Variants in PLPP1 observed in about 807,000 individuals in gnomAD.
PLPP1 encodes lipid phosphate phosphohydrolase 1a.
A neutral mutation model predicts 31.2 loss-of-function variants in PLPP1; 24 were observed. The ratio of observed to expected loss-of-function variants is 0.77; its 90% CI spans 0.56 to 1.08. PLPP1 has a LOEUF of 1.08. PLPP1 is among the 50% of genes least tolerant of loss of function. The pLI is 0.00. For missense variants in PLPP1, 319 were observed against 342.7 expected, an observed-to-expected ratio of 0.93 and a Z score of 0.55; for synonymous variants, 146 against 126.3, an observed-to-expected ratio of 1.16 and a Z score of -1.05.
intron 3 of PLPP1, among the ~76,000 whole-genome samples, chr5:55,466,312 G>A (rs1362179098): frequency 3.3e-5 from 5 of 152,154 alleles, no homozygotes; most frequent in African/African-American, 4.8e-5. Context: ...TGAAGATGGG[G>A]ACCAGAGATG....
chr5:55,528,768 C>A lies in PLPP1; in HGVS notation c.58+5804G>T, dbSNP rs189439314. Among the ~76,000 whole-genome samples the A allele has an allele frequency of 1.3e-3, 197 of 152,222 alleles. 2 individuals are homozygous for A. The Middle Eastern group carries it at 0.024, about 18-fold the overall frequency. ...ATACAATATATGTATATATTAGCAG[C>A]AAACTACTGAGATTCTCTTTTATGT... On this transcript the variant is annotated intron_variant, in intron 1 of 5. Coordinates refer to ENST00000307259, the MANE Select transcript of PLPP1 (RefSeq NM_003711.4).
chr5:55,444,308 T>TGACCTCATGTGATCCGTCGCCCTC (rs1751701270), intron 3 of PLPP1, among the ~76,000 whole-genome samples: 1 of 152,202 alleles, frequency 6.6e-6, no homozygotes, highest in South Asian at 2.1e-4. Flanking sequence ...CTGGAACTCC[T>TGACCTCATGTGATCCGTCGCCCTC]GACCTCATGT....
intron 1 of PLPP1, among the ~76,000 whole-genome samples, chr5:55,503,807 A>G (rs1411350209): frequency 5.2e-5 from 5 of 96,950 alleles, no homozygotes; most frequent in African/African-American, 2.0e-4. Flanking sequence ...GAGGAAGGGG[A>G]GGAAGGGGAG....
At chr5:55,505,257 T>C (rs1296848720) in intron 1 of PLPP1, among the ~76,000 whole-genome samples, 1 of 152,200 alleles carries the variant, frequency 6.6e-6, no homozygotes, top group Non-Finnish European at 1.5e-5. Flanking sequence ...TTTAGTATTA[T>C]TTACACTTAT....
At chr5:55,498,616 T>C (rs911771982) in intron 1 of PLPP1, among the ~76,000 whole-genome samples, 8 of 151,866 alleles carry the variant, frequency 5.3e-5, no homozygotes, top group Non-Finnish European at 1.2e-4. Flanking sequence ...AATAATCTTA[T>C]GTAACCATAA....
At chr5:55,534,152 G>A (rs1469763115) in intron 1 of PLPP1, among the ~76,000 whole-genome samples, 4 of 152,134 alleles carry the variant, frequency 2.6e-5, no homozygotes, top group African/African-American at 7.2e-5. Flanking sequence ...TGCTTCTCAC[G>A]ATAAATCAGG....
chr5:55,527,957 G>A (rs1485436843), intron 1 of PLPP1, among the ~76,000 whole-genome samples: 1 of 152,138 alleles, frequency 6.6e-6, no homozygotes, highest in East Asian at 1.9e-4. Context: ...AAAAAGGAAG[G>A]GCTCAGTTGA....
intron 4 of PLPP1, among the ~76,000 whole-genome samples, chr5:55,437,501 ATATT>A (rs1346228094): frequency 6.6e-6 from 1 of 151,764 alleles, no homozygotes; most frequent in Non-Finnish European, 1.5e-5. Context: ...CAAAGCCTAA[ATATT>A]TATTATCTGA....
intron 1 of PLPP1, among the ~76,000 whole-genome samples, chr5:55,478,112 T>C (rs936660447): frequency 7.2e-5 from 11 of 152,208 alleles, no homozygotes; most frequent in Admixed American, 6.5e-4. Context: ...CAAATGTATT[T>C]AGAAATGCTA....
chr5:55,444,303 A>T (rs892274501), intron 3 of PLPP1, among the ~76,000 whole-genome samples: 3 of 152,034 alleles, frequency 2.0e-5, no homozygotes, highest in African/African-American at 7.2e-5. Context: ...CTGGTCTGGA[A>T]CTCCTGACCT....
rs1193850820 is a variant in PLPP1 at position 55,424,923 on chromosome 5, A to G, written c.*283T>C. 1.6e-6 allele frequency: 1 copy of G among 628,532 alleles called. No individual in the cohort carries two copies. Among genetic ancestry groups the G allele is most frequent in the Non-Finnish European group, 2.7e-6 (1 of 363,674 alleles). 38.9% of individuals were successfully genotyped at this position (628,532 alleles called of 1,614,324 possible). ...ACATCATTCATAGAAAGCATATTAC[A>G]TACATGTTTATACATAAGCATTACA... On this transcript the variant is annotated 3_prime_UTR_variant, in exon 6 of 6. Transcript: ENST00000307259.
At chr5:55,504,313 A>G (rs1243673934) in intron 1 of PLPP1, among the ~76,000 whole-genome samples, 3 of 149,580 alleles carry the variant, frequency 2.0e-5, no homozygotes, top group African/African-American at 7.4e-5. Flanking sequence ...TGCAGTGAGC[A>G]GACAGTGTCC....
At chr5:55,451,932 T>G (rs947739565) in intron 3 of PLPP1, among the ~76,000 whole-genome samples, 12 of 152,174 alleles carry the variant, frequency 7.9e-5, no homozygotes, top group Admixed American at 7.9e-4. Flanking sequence ...AAACCAATTC[T>G]TATCGTACAA....
intron 1 of PLPP1, chr5:55,530,657 CATT>C: frequency 1.3e-6 from 2 of 1,598,184 alleles, no homozygotes; most frequent in Middle Eastern, 1.7e-4. Context: ...AAAACTTCCT[CATT>C]ATATTTTCAA....
At chr5:55,470,031 A>G (rs935948981) in intron 2 of PLPP1, among the ~76,000 whole-genome samples, 1 of 152,216 alleles carries the variant, frequency 6.6e-6, no homozygotes, top group African/African-American at 2.4e-5. Flanking sequence ...AGTCCTTAAC[A>G]TGAATGAATT....
At chr5:55,488,366 T>C (rs1036845494) in intron 1 of PLPP1, among the ~76,000 whole-genome samples, 1 of 151,338 alleles carries the variant, frequency 6.6e-6, no homozygotes, top group African/African-American at 2.4e-5. Context: ...TCAAACTAGA[T>C]TGGGTGTGGT....
chr5:55,429,013 C>T (rs1422591674), intron 4 of PLPP1, among the ~76,000 whole-genome samples: 1 of 152,022 alleles, frequency 6.6e-6, no homozygotes, highest in East Asian at 1.9e-4. Flanking sequence ...TCCTTGCATA[C>T]CCACATCTCC....
intron 1 of PLPP1, chr5:55,508,908 CAG>C (rs1222798143): frequency 5.8e-5 from 9 of 154,078 alleles, no homozygotes; most frequent in African/African-American, 2.2e-4. Context: ...TAGAAGATTT[CAG>C]AGTCAGATAA....
At chr5:55,518,954 T>A (rs577450004) in intron 1 of PLPP1, among the ~76,000 whole-genome samples, 1 of 152,200 alleles carries the variant, frequency 6.6e-6, no homozygotes, top group African/African-American at 2.4e-5. Context: ...AAACCAACTG[T>A]TTTTACTACT....
Sources: gnomAD v4.1 joint callset for allele counts (sites outside exome capture counted in the v4.1 genomes callset) on GRCh38, gnomAD v4.1.1 for gene constraint, MANE v1.5 for transcripts, NCBI Gene and HGNC (gene_info 2026-07-23, HGNC 2026-07-21) for gene names.